NDUFS4: variants seen among roughly 807,000 people sequenced by gnomAD.
NDUFS4 encodes the protein NADH dehydrogenase [ubiquinone] iron-sulfur protein 4, mitochondrial.
A neutral mutation model predicts 24.3 loss-of-function variants in NDUFS4; 28 were observed. That is an observed-to-expected ratio of 1.15 (90% CI 0.85 to 1.58). The LOEUF is 1.58. Ranked by LOEUF, NDUFS4 falls within the 40% of genes most tolerant of loss-of-function variation. The pLI, the probability that NDUFS4 is intolerant of heterozygous loss-of-function variation, is 0.00. For synonymous variants in NDUFS4, 93 were observed against 69.7 expected, an observed-to-expected ratio of 1.34 and a Z score of -1.67; for missense variants, 223 against 207.9, an observed-to-expected ratio of 1.07 and a Z score of -0.45.
At chr5:53,665,141 C>T (rs568751421) in intron 4 of NDUFS4, among the ~76,000 whole-genome samples, 5 of 152,234 alleles carry the variant, frequency 3.3e-5, no homozygotes, top group Non-Finnish European at 5.9e-5. Flanking sequence ...TGCAGAACCG[C>T]GGATATTGGT....
chr5:53,676,928 G>A (rs368676466), intron 4 of NDUFS4, among the ~76,000 whole-genome samples: 2 of 152,032 alleles, frequency 1.3e-5, no homozygotes, highest in African/African-American at 4.8e-5. Context: ...GCTAAGGCGC[G>A]AGCACGAGAG....
intron 1 of NDUFS4, among the ~76,000 whole-genome samples, chr5:53,580,791 CTT>C (rs1159469164): frequency 1.4e-5 from 2 of 141,592 alleles, no homozygotes; most frequent in African/African-American, 2.6e-5. Flanking sequence ...CTTTCTTTCT[CTT>C]TCTCTCTTTC....
At position 53,603,539 on chromosome 5, in the gene NDUFS4, T is replaced by A. The variant is rs1439573819; in HGVS notation, c.177+9T>A. On this transcript the variant is annotated intron_variant, in intron 2 of 4. Coordinates refer to ENST00000296684, the MANE Select transcript of NDUFS4 (RefSeq NM_002495.4). ...CAGTTGATGAAAAATTGGTAAGGAT[T>A]TTCTACTACACACTGCTATGGTTCT... 1 of 1,605,608 alleles carries A rather than the reference T, an allele frequency of 6.2e-7. No individual in the cohort carries two copies. The highest frequency in any genetic ancestry group is 8.5e-7 in the Non-Finnish European group (1 of 1,172,500).
At chr5:53,618,046 T>C (rs1750905430) in intron 2 of NDUFS4, among the ~76,000 whole-genome samples, 1 of 152,138 alleles carries the variant, frequency 6.6e-6, no homozygotes, top group Admixed American at 6.5e-5. Context: ...GGAGGCCTAG[T>C]TGTGAGGATC....
chr5:53,648,209 A>G (rs577471291), intron 3 of NDUFS4, among the ~76,000 whole-genome samples: 1 of 152,282 alleles, frequency 6.6e-6, no homozygotes, highest in Admixed American at 6.5e-5. Flanking sequence ...TGTATATGTG[A>G]GATGAGCCGC....
chr5:53,659,879 A>C (rs758007815), intron 4 of NDUFS4, among the ~76,000 whole-genome samples: 1 of 152,090 alleles, frequency 6.6e-6, no homozygotes, highest in East Asian at 1.9e-4. Flanking sequence ...TTATACTTCT[A>C]TTTCCTCATA....
intron 1 of NDUFS4, among the ~76,000 whole-genome samples, chr5:53,578,275 G>C (rs1381302627): frequency 6.6e-6 from 1 of 152,088 alleles, no homozygotes; most frequent in Non-Finnish European, 1.5e-5. Context: ...CCCTTATTAA[G>C]GCTCAAGTTT....
chr5:53,591,461 T>TGGA (rs1554054833), intron 1 of NDUFS4, among the ~76,000 whole-genome samples: 24 of 81,220 alleles, frequency 3.0e-4, no homozygotes, highest in African/African-American at 1.1e-3. Flanking sequence ...TTGTTTTTTT[T>TGGA]GGGGGGGGGG....
intron 3 of NDUFS4, among the ~76,000 whole-genome samples, chr5:53,648,169 A>T (rs1751918206): frequency 6.6e-6 from 1 of 152,214 alleles, no homozygotes; most frequent in Non-Finnish European, 1.5e-5. Context: ...AGAAATAGAT[A>T]CTTACCCAAC....
intron 2 of NDUFS4, among the ~76,000 whole-genome samples, chr5:53,629,965 C>A (rs897492964): frequency 2.0e-5 from 3 of 152,174 alleles, no homozygotes; most frequent in African/African-American, 7.2e-5. Context: ...GCAGTTTCTT[C>A]ATAGCGCTGA....
At chr5:53,587,507 C>G (rs79829630) in intron 1 of NDUFS4, among the ~76,000 whole-genome samples, 4 of 151,784 alleles carry the variant, frequency 2.6e-5, no homozygotes, top group Non-Finnish European at 5.9e-5. Context: ...AGATTAGCAA[C>G]AGACAAACAC....
At chr5:53,661,640 A>G (rs1418758432) in intron 4 of NDUFS4, among the ~76,000 whole-genome samples, 1 of 152,192 alleles carries the variant, frequency 6.6e-6, no homozygotes, top group East Asian at 1.9e-4. Flanking sequence ...TGAGCATGGA[A>G]TGTTCTTCCA....
intron 2 of NDUFS4, among the ~76,000 whole-genome samples, chr5:53,636,439 G>A (rs971674123): frequency 9.9e-5 from 15 of 152,144 alleles, no homozygotes; most frequent in African/African-American, 3.4e-4. Context: ...AGAAGAAACC[G>A]GAAGAATTCA....
intron 4 of NDUFS4, among the ~76,000 whole-genome samples, chr5:53,659,159 CTGTATAATAATATTAA>C (rs1486344769): frequency 2.8e-4 from 42 of 152,150 alleles, no homozygotes; most frequent in African/African-American, 9.7e-4. Context: ...CTAATCTCAA[CTGTATAATAATATTAA>C]TGTGGCCTAA....
intron 4 of NDUFS4, 179 bp downstream of exon 4, chr5:53,658,803 A>AAC (rs1752239191): frequency 3.4e-6 from 2 of 582,418 alleles, no homozygotes; most frequent in South Asian, 4.4e-5. Flanking sequence ...AAAAAAAAAA[A>AAC]ACCTAAATTG....
At chr5:53,616,105 C>G (rs536301934) in intron 2 of NDUFS4, among the ~76,000 whole-genome samples, 2 of 151,772 alleles carry the variant, frequency 1.3e-5, no homozygotes, top group South Asian at 2.1e-4. Flanking sequence ...TCCTCTAGAT[C>G]TAGTAGTTTT....
chr5:53,670,176 C>T (rs947002553), intron 4 of NDUFS4, among the ~76,000 whole-genome samples: 5 of 151,770 alleles, frequency 3.3e-5, no homozygotes, highest in Admixed American at 6.6e-5. Context: ...GATAGGATAC[C>T]GAGACCTAGA....
In NDUFS4 at chr5:53,603,510, A is replaced by G; in HGVS notation, c.157A>G (p.Ile53Val). Residue 53 changes from isoleucine (I) to valine (V), a missense_variant, in exon 2 of 5, where the codon ATA becomes GTA. By Grantham distance (29) the Ile-to-Val change is conservative. Transcript: ENST00000296684. The part of the protein sequence containing the change: ...AQDQTQDTQL[I>V]TVDEKLDITT... Reference sequence around the variant, plus strand: ...GGACCAGACTCAAGACACACAACTCATAACAGTTGATGAAAAATTGGTAAG... The same window carrying G: ...GGACCAGACTCAAGACACACAACTCGTAACAGTTGATGAAAAATTGGTAAG... 4 of 1,613,774 alleles carry G rather than the reference A, an allele frequency of 2.5e-6. No individual in the cohort carries two copies. Among genetic ancestry groups the G allele is most frequent in the Non-Finnish European group, 8.5e-7 (1 of 1,179,798 alleles).
chr5:53,664,156 T>G (rs950625372), intron 4 of NDUFS4, among the ~76,000 whole-genome samples: 1 of 152,224 alleles, frequency 6.6e-6, no homozygotes, highest in Non-Finnish European at 1.5e-5. Flanking sequence ...TGTTGAATAT[T>G]GGCCCCCACT....
Sources: allele counts gnomAD v4.1 joint callset (sites outside exome capture counted in the v4.1 genomes callset), GRCh38; gene constraint gnomAD v4.1.1; transcripts MANE v1.5; gene names NCBI Gene and HGNC (gene_info 2026-07-23, HGNC 2026-07-21).